CNTN4: variants seen among roughly 807,000 people sequenced by gnomAD.
CNTN4 encodes the protein contactin-4.
Under a neutral mutation model 122.5 loss-of-function variants are expected in CNTN4, and 77 were observed. The observed-to-expected ratio is 0.63, with a 90% CI of 0.52 to 0.76. CNTN4 has a LOEUF of 0.76. CNTN4 is among the 30% of genes least tolerant of loss of function. The pLI, the probability that CNTN4 is intolerant of heterozygous loss-of-function variation, is 0.00. For synonymous variants in CNTN4, 512 were observed against 447.0 expected, an observed-to-expected ratio of 1.15 and a Z score of -1.83; for missense variants, 1,256 against 1,259.1, an observed-to-expected ratio of 1.00 and a Z score of 0.04.
At chr3:2,933,359 G>C (rs1252412742) in intron 13 of CNTN4, among the ~76,000 whole-genome samples, 1 of 152,142 alleles carries the variant, frequency 6.6e-6, no homozygotes, top group African/African-American at 2.4e-5. Context: ...TATGTATCCT[G>C]AAAGATTTAG....
At chr3:2,810,805 T>C (rs968155449) in intron 6 of CNTN4, among the ~76,000 whole-genome samples, 1 of 152,216 alleles carries the variant, frequency 6.6e-6, no homozygotes, top group Non-Finnish European at 1.5e-5. Context: ...TAAAATGATA[T>C]TTTTGTAATT....
At chr3:3,000,697 T>G (rs1695947364) in intron 14 of CNTN4, among the ~76,000 whole-genome samples, 1 of 152,198 alleles carries the variant, frequency 6.6e-6, no homozygotes, top group Non-Finnish European at 1.5e-5. Flanking sequence ...TCTCAGGGTC[T>G]GCCCTAAGTA....
chr3:2,432,436 A>G (rs891006156), intron 3 of CNTN4, among the ~76,000 whole-genome samples: 5 of 152,208 alleles, frequency 3.3e-5, no homozygotes, highest in Non-Finnish European at 7.3e-5. Context: ...GCCAAGATAG[A>G]GAATAAAGAA....
intron 2 of CNTN4, among the ~76,000 whole-genome samples, chr3:2,278,357 C>T (rs2041595976): frequency 6.6e-6 from 1 of 152,200 alleles, no homozygotes; most frequent in South Asian, 2.1e-4. Flanking sequence ...CCCAGTGAAC[C>T]TCAGCACATT....
chr3:2,890,996 C>CA (rs200483067), intron 10 of CNTN4, among the ~76,000 whole-genome samples: 9,942 of 124,136 alleles, frequency 0.08, 351 homozygotes, highest in Middle Eastern at 0.18. Flanking sequence ...ACTTGTTTAA[C>CA]AAATTTTTTT....
intron 7 of CNTN4, among the ~76,000 whole-genome samples, chr3:2,834,427 G>C (rs150185511): frequency 6.6e-6 from 1 of 152,084 alleles, no homozygotes; most frequent in East Asian, 2.0e-4. Flanking sequence ...TTAGCTGGGC[G>C]TGGTGGTGCA....
chr3:2,932,099 C>T (rs778301104), intron 13 of CNTN4, among the ~76,000 whole-genome samples: 7 of 152,144 alleles, frequency 4.6e-5, no homozygotes, highest in African/African-American at 7.2e-5. Flanking sequence ...AAATTTAGGC[C>T]GGGCGCAGTG....
At chr3:2,989,237 A>G (rs1694847749) in intron 14 of CNTN4, among the ~76,000 whole-genome samples, 3 of 152,160 alleles carry the variant, frequency 2.0e-5, no homozygotes, top group Admixed American at 1.3e-4. Context: ...GATCTTGACA[A>G]TGATTTGACT....
At chr3:2,131,989 T>G (rs1038028621) in intron 2 of CNTN4, among the ~76,000 whole-genome samples, 6 of 152,176 alleles carry the variant, frequency 3.9e-5, no homozygotes, top group Non-Finnish European at 7.4e-5. Flanking sequence ...TCATGCTGAT[T>G]CTGTGTTGTT....
chr3:2,716,246 A>G (rs2087488724), intron 4 of CNTN4, among the ~76,000 whole-genome samples: 1 of 152,100 alleles, frequency 6.6e-6, no homozygotes, highest in Admixed American at 6.6e-5. Flanking sequence ...TCAAAGATAT[A>G]ACTTCTATTA....
chr3:2,424,300 G>GT (rs1261132403), intron 3 of CNTN4, among the ~76,000 whole-genome samples: 1 of 140,916 alleles, frequency 7.1e-6, no homozygotes, highest in African/African-American at 2.6e-5. Context: ...CCACCTATGA[G>GT]TGAGAACATG....
intron 13 of CNTN4, among the ~76,000 whole-genome samples, chr3:2,943,630 ATT>A (rs367606924): frequency 1.6e-5 from 2 of 128,262 alleles, no homozygotes; most frequent in African/African-American, 3.0e-5. Context: ...ATATATATAT[ATT>A]TTTTTTTTTT....
At chr3:2,641,090 A>G (rs918124044) in intron 4 of CNTN4, among the ~76,000 whole-genome samples, 2 of 152,200 alleles carry the variant, frequency 1.3e-5, no homozygotes, top group Non-Finnish European at 2.9e-5. Flanking sequence ...AGTGTACTTA[A>G]TACCCTCAAA....
At chr3:2,296,071 G>T (rs1454925947) in intron 2 of CNTN4, among the ~76,000 whole-genome samples, 1 of 152,124 alleles carries the variant, frequency 6.6e-6, no homozygotes, top group Non-Finnish European at 1.5e-5. Flanking sequence ...TGCTGTTCTG[G>T]TTACTGTAGC....
At chr3:2,544,957 G>A (rs1364538804) in intron 3 of CNTN4, among the ~76,000 whole-genome samples, 1 of 151,938 alleles carries the variant, frequency 6.6e-6, no homozygotes, top group Non-Finnish European at 1.5e-5. Context: ...CAGTGGTTGT[G>A]ATGTTAGGTT....
intron 3 of CNTN4, among the ~76,000 whole-genome samples, chr3:2,430,441 A>AT (rs1224694616): frequency 6.6e-6 from 1 of 150,568 alleles, no homozygotes; most frequent in Non-Finnish European, 1.5e-5. Flanking sequence ...AAAAAAAAAA[A>AT]GGAAATGCAG....
intron 6 of CNTN4, among the ~76,000 whole-genome samples, chr3:2,748,682 G>A (rs1351626217): frequency 1.3e-5 from 2 of 152,112 alleles, no homozygotes; most frequent in Non-Finnish European, 1.5e-5. Context: ...GAGAATCTTT[G>A]CTAAAGCCTT....
intron 2 of CNTN4, among the ~76,000 whole-genome samples, chr3:2,219,816 AG>A (rs1366740875): frequency 1.3e-5 from 2 of 152,056 alleles, no homozygotes; most frequent in Admixed American, 6.5e-5. Flanking sequence ...TCCCAGCAAA[AG>A]ATGGCATTTT....
chr3:2,504,126 A>G (rs2076671146), intron 3 of CNTN4, among the ~76,000 whole-genome samples: 1 of 152,150 alleles, frequency 6.6e-6, no homozygotes, highest in Non-Finnish European at 1.5e-5. Flanking sequence ...CTTCCTTAAT[A>G]GAGAGTGCAT....
Sources: gnomAD v4.1 joint callset for allele counts (sites outside exome capture counted in the v4.1 genomes callset) on GRCh38, gnomAD v4.1.1 for gene constraint, MANE v1.5 for transcripts, NCBI Gene and HGNC (gene_info 2026-07-23, HGNC 2026-07-21) for gene names.